The following AGBL1 variants were observed in gnomAD, a reference collection of about 807,000 sequenced individuals.
The protein encoded by AGBL1 is cytosolic carboxypeptidase 4.
AGBL1 carries 130 observed loss-of-function variants against 118.9 expected under a neutral mutation model. The ratio of observed to expected loss-of-function variants is 1.09; its 90% CI spans 0.95 to 1.26. The LOEUF is 1.26. Ranked by LOEUF, AGBL1 falls within the 50% of genes most tolerant of loss-of-function variation. The pLI is 0.00. For synonymous variants in AGBL1, 555 were observed against 478.9 expected, an observed-to-expected ratio of 1.16 and a Z score of -2.08; for missense variants, 1,584 against 1,298.1, an observed-to-expected ratio of 1.22 and a Z score of -3.38.
At chr15:86,900,122 C>A (rs1230664892) in intron 22 of AGBL1, among the ~76,000 whole-genome samples, 1 of 152,150 alleles carries the variant, frequency 6.6e-6, no homozygotes, top group Non-Finnish European at 1.5e-5. Context: ...AGCTCTCGGG[C>A]CTTCAGCCAC....
In AGBL1 at chr15:86,924,569, C is replaced by T. The variant is rs143150221; in HGVS notation, c.3222-63418C>T. Among the ~76,000 whole-genome samples the T allele has an allele frequency of 2.6e-4, 39 of 152,276 alleles. No homozygotes were observed. In the East Asian group the frequency reaches 7.3e-3, roughly 29 times the overall value. On this transcript the variant is annotated intron_variant, in intron 23 of 24. Transcript: ENST00000441037. ...TTTGTCCAGGTTCTCAGCTTATTCTCTGTTTGGGAGAGAAAGACGACAGCT... is the reference window on the plus strand; with the variant it reads ...TTTGTCCAGGTTCTCAGCTTATTCTTTGTTTGGGAGAGAAAGACGACAGCT...
chr15:86,856,278 A>T (rs894400447), intron 22 of AGBL1, among the ~76,000 whole-genome samples: 2 of 152,198 alleles, frequency 1.3e-5, no homozygotes, highest in Non-Finnish European at 2.9e-5. Flanking sequence ...TCTTTCTCTG[A>T]GTGTGCTTAG....
At chr15:86,313,571 T>C (rs1023597557) in intron 17 of AGBL1, among the ~76,000 whole-genome samples, 3 of 152,376 alleles carry the variant, frequency 2.0e-5, no homozygotes, top group South Asian at 4.1e-4. Context: ...GCAACTTACA[T>C]AGTTTAATTA....
At chr15:86,977,039 G>A (rs934651890) in intron 23 of AGBL1, among the ~76,000 whole-genome samples, 2 of 151,874 alleles carry the variant, frequency 1.3e-5, no homozygotes, top group African/African-American at 2.4e-5. Context: ...TTTTAATATA[G>A]TGAAAGTTAC....
At chr15:86,411,853 G>C (rs2142011339) in intron 18 of AGBL1, among the ~76,000 whole-genome samples, 1 of 152,106 alleles carries the variant, frequency 6.6e-6, no homozygotes, top group East Asian at 1.9e-4. Context: ...GACATAGCAG[G>C]GTAGTGATTA....
intron 19 of AGBL1, among the ~76,000 whole-genome samples, chr15:86,538,020 A>C (rs2083448749): frequency 6.6e-6 from 1 of 152,218 alleles, no homozygotes; most frequent in Admixed American, 6.5e-5. Flanking sequence ...TTTTGGAAAG[A>C]ACATTATAAT....
downstream of AGBL1, among the ~76,000 whole-genome samples, chr15:87,029,207 C>T (rs73450874): frequency 2.0e-4 from 31 of 151,928 alleles, no homozygotes; most frequent in African/African-American, 7.2e-4. Context: ...AAGGCAGCTT[C>T]CATATTTGAA....
At chr15:86,932,601 G>C (rs2080618645) in intron 23 of AGBL1, among the ~76,000 whole-genome samples, 1 of 152,170 alleles carries the variant, frequency 6.6e-6, no homozygotes, top group Non-Finnish European at 1.5e-5. Context: ...CAATCAGTTA[G>C]GTCACATTTA....
intron 22 of AGBL1, among the ~76,000 whole-genome samples, chr15:86,766,642 T>G (rs1036458138): frequency 6.6e-6 from 1 of 152,040 alleles, no homozygotes; most frequent in East Asian, 1.9e-4. Flanking sequence ...ATTCATCCAT[T>G]TGTCCATTTA....
intron 22 of AGBL1, among the ~76,000 whole-genome samples, chr15:86,707,237 G>A (rs1471429431): frequency 6.6e-6 from 1 of 151,728 alleles, no homozygotes; most frequent in Non-Finnish European, 1.5e-5. Context: ...ACCATAATAG[G>A]GAACAAAGGT....
intron 22 of AGBL1, among the ~76,000 whole-genome samples, chr15:86,805,175 G>T (rs2078699380): frequency 6.6e-6 from 1 of 151,822 alleles, no homozygotes. Context: ...TTTCAAGAAG[G>T]AGAAAAGAGG....
chr15:86,690,179 T>C (rs1231746004), intron 22 of AGBL1, among the ~76,000 whole-genome samples: 2 of 152,148 alleles, frequency 1.3e-5, no homozygotes, highest in Non-Finnish European at 2.9e-5. Flanking sequence ...GTTCTTTTGT[T>C]AGCTGTCTTC....
At chr15:86,539,177 A>C (rs991714215) in intron 19 of AGBL1, among the ~76,000 whole-genome samples, 2 of 152,228 alleles carry the variant, frequency 1.3e-5, no homozygotes, top group Non-Finnish European at 2.9e-5. Context: ...CTCCAGCTCA[A>C]AGGAAACTAG....
chr15:86,229,880 C>G (rs1378833939), intron 6 of AGBL1, among the ~76,000 whole-genome samples: 3 of 152,198 alleles, frequency 2.0e-5, no homozygotes, highest in Admixed American at 6.5e-5. Flanking sequence ...AAAACGCCTT[C>G]TGGTTCAGGC....
rs2079247551 is a variant in AGBL1 at position 86,276,158 on chromosome 15, CA to C, written c.2076-3480del. ...ATTAGCTCTCATCTTGATTATTTTACATTTTTTTCTATTATTTTAGACTGTA... is the reference window on the plus strand; with the variant it reads ...ATTAGCTCTCATCTTGATTATTTTACTTTTTTTCTATTATTTTAGACTGTA... On this transcript the variant is annotated intron_variant, in intron 15 of 22. Transcript: ENST00000614907. Among the ~76,000 whole-genome samples the C allele has an allele frequency of 3.3e-5, 5 of 152,098 alleles. No individual in the cohort carries two copies. The South Asian group carries it at 1.0e-3, about 32-fold the overall frequency.
At chr15:86,819,206 G>T (rs932264016) in intron 22 of AGBL1, among the ~76,000 whole-genome samples, 3 of 152,042 alleles carry the variant, frequency 2.0e-5, no homozygotes, top group Admixed American at 6.6e-5. Flanking sequence ...TGCTGAGGTC[G>T]GTAGTGATAC....
chr15:86,931,552 G>A (rs969987687), intron 23 of AGBL1, among the ~76,000 whole-genome samples: 4 of 140,152 alleles, frequency 2.9e-5, no homozygotes, highest in Non-Finnish European at 6.2e-5. Flanking sequence ...GCAACAAAAT[G>A]AATAGTGGTG....
intron 2 of AGBL1, among the ~76,000 whole-genome samples, chr15:86,143,315 A>G (rs2076988576): frequency 6.6e-6 from 1 of 152,256 alleles, no homozygotes; most frequent in African/African-American, 2.4e-5. Flanking sequence ...CAGAAGATTC[A>G]AATGTATAGC....
chr15:86,526,900 A>G (rs2083275132), intron 19 of AGBL1, among the ~76,000 whole-genome samples: 1 of 152,124 alleles, frequency 6.6e-6, no homozygotes, highest in Non-Finnish European at 1.5e-5. Flanking sequence ...TGTTGGGTAC[A>G]ATGTACACTA....
Sources: gnomAD v4.1 joint callset for allele counts (sites outside exome capture counted in the v4.1 genomes callset) on GRCh38, gnomAD v4.1.1 for gene constraint, MANE v1.5 for transcripts, NCBI Gene and HGNC (gene_info 2026-07-23, HGNC 2026-07-21) for gene names.